CLVS1: variants seen among roughly 807,000 people sequenced by gnomAD.
CLVS1 encodes clavesin-1.
In CLVS1, 10 loss-of-function variants were observed where a neutral mutation model predicts 33.1. The ratio of observed to expected loss-of-function variants is 0.30; its 90% CI spans 0.19 to 0.51. The LOEUF is 0.51. Ranked by LOEUF, CLVS1 falls within the 20% of genes least tolerant of loss-of-function variation. CLVS1 has a pLI of 0.97. For missense variants in CLVS1, 343 were observed against 433.4 expected (o/e 0.79, Z 1.85); for synonymous variants, 163 against 166.1 (o/e 0.98, Z 0.14).
intron 3 of CLVS1, among the ~76,000 whole-genome samples, chr8:61,417,799 G>T (rs781088733): frequency 6.6e-6 from 1 of 152,134 alleles, no homozygotes; most frequent in Non-Finnish European, 1.5e-5. Context: ...TCTGATGATA[G>T]CCATGAGCTC....
At chr8:61,432,414 C>T (rs950223017) in intron 3 of CLVS1, among the ~76,000 whole-genome samples, 7 of 152,094 alleles carry the variant, frequency 4.6e-5, no homozygotes, top group Non-Finnish European at 7.4e-5. Context: ...TAAGGTAAAA[C>T]GAAGTCATTA....
the CLVS1 span, among the ~76,000 whole-genome samples, chr8:61,023,675 C>T: frequency 6.6e-6 from 1 of 152,172 alleles, no homozygotes; most frequent in African/African-American, 2.4e-5. Flanking sequence ...AGTCGCAGCT[C>T]GGAGCGCCAT....
chr8:61,084,832 T>C (rs1805090442), intron 1 of CLVS1, among the ~76,000 whole-genome samples: 1 of 152,232 alleles, frequency 6.6e-6, no homozygotes, highest in South Asian at 2.1e-4. Flanking sequence ...GGGGTAGAGA[T>C]AGAAGAGGCT....
chr8:61,406,103 G>A (rs1814975071), intron 3 of CLVS1, among the ~76,000 whole-genome samples: 1 of 152,142 alleles, frequency 6.6e-6, no homozygotes, highest in South Asian at 2.1e-4. Context: ...CATTTTATCA[G>A]CCAAACACTC....
intron 1 of CLVS1, among the ~76,000 whole-genome samples, chr8:61,089,273 G>A (rs1015483699): frequency 9.9e-5 from 15 of 152,144 alleles, no homozygotes; most frequent in African/African-American, 3.6e-4. Flanking sequence ...GCAGATAGAT[G>A]GAACACTCTG....
Position 61,379,876 on chromosome 8 carries a change from A to G in CLVS1, c.630+3097A>G, listed in dbSNP as rs1813800599. 5.9e-5 allele frequency among the ~76,000 whole-genome samples: 9 copies of G among 152,292 alleles called. No homozygotes were observed. The South Asian group carries it at 1.9e-3, about 32-fold the overall frequency. ...ACAGGCAGGGATGCACACAGCGCTC[A>G]GTCACTGTGTGCTGGCTGTCCTAGG... On this transcript the variant is annotated intron_variant, in intron 3 of 5. Coordinates refer to ENST00000325897, the MANE Select transcript of CLVS1 (RefSeq NM_173519.3).
At chr8:61,258,828 C>A (rs1202866100) in intron 2 of CLVS1, among the ~76,000 whole-genome samples, 1 of 152,108 alleles carries the variant, frequency 6.6e-6, no homozygotes, top group Non-Finnish European at 1.5e-5. Flanking sequence ...CATTCTTGTT[C>A]CTATAAGTGC....
intron 2 of CLVS1, among the ~76,000 whole-genome samples, chr8:61,273,295 G>T (rs1235383828): frequency 1.3e-5 from 2 of 152,204 alleles, no homozygotes; most frequent in Non-Finnish European, 2.9e-5. Flanking sequence ...CTCCCAGTTA[G>T]GTTGCTCGGG....
the CLVS1 span, among the ~76,000 whole-genome samples, chr8:61,019,521 C>G: frequency 1.3e-5 from 2 of 152,276 alleles, no homozygotes; most frequent in East Asian, 3.9e-4. Context: ...GTCCTATCAG[C>G]TCTAGAATGT....
At chr8:61,085,728 CAAA>C (rs57456582) in intron 1 of CLVS1, among the ~76,000 whole-genome samples, 2 of 115,086 alleles carry the variant, frequency 1.7e-5, no homozygotes. Flanking sequence ...CCATCCCTAC[CAAA>C]AAAAAAAAAA....
chr8:61,227,621 T>C (rs1364605667), intron 2 of CLVS1, among the ~76,000 whole-genome samples: 3 of 152,190 alleles, frequency 2.0e-5, no homozygotes, highest in African/African-American at 7.2e-5. Flanking sequence ...GTTATTCTCA[T>C]GTTTACCTTT....
chr8:61,269,577 G>A (rs1411894102), intron 2 of CLVS1, among the ~76,000 whole-genome samples: 2 of 151,494 alleles, frequency 1.3e-5, no homozygotes, highest in Non-Finnish European at 2.9e-5. Flanking sequence ...GCTTGATGGG[G>A]ATGGCATTGA....
At chr8:61,463,544 T>C (rs1817442713) in intron 5 of CLVS1, among the ~76,000 whole-genome samples, 2 of 152,156 alleles carry the variant, frequency 1.3e-5, no homozygotes, top group African/African-American at 4.8e-5. Flanking sequence ...ATTGTAAGGT[T>C]ATTAATTAAC....
chr8:61,258,545 A>G (rs1217730167), intron 2 of CLVS1, among the ~76,000 whole-genome samples: 1 of 152,220 alleles, frequency 6.6e-6, no homozygotes, highest in East Asian at 1.9e-4. Flanking sequence ...AGCATCTAAC[A>G]AAGTGCAAGT....
intron 1 of CLVS1, among the ~76,000 whole-genome samples, chr8:61,091,955 T>G (rs1805259475): frequency 6.6e-6 from 1 of 152,336 alleles, no homozygotes; most frequent in South Asian, 2.1e-4. Context: ...GAAAAATGTG[T>G]GAGATTCCAA....
chr8:61,095,613 A>T (rs1044433049), intron 1 of CLVS1, among the ~76,000 whole-genome samples: 1 of 152,144 alleles, frequency 6.6e-6, no homozygotes, highest in Non-Finnish European at 1.5e-5. Context: ...CTTGCCCGAG[A>T]GGATCTTACA....
intron 1 of CLVS1, among the ~76,000 whole-genome samples, chr8:61,128,686 G>A (rs558907431): frequency 1.3e-5 from 2 of 152,162 alleles, no homozygotes; most frequent in African/African-American, 4.8e-5. Context: ...CATTCAATAC[G>A]TGAAGGTACC....
At chr8:61,339,976 AAG>A (rs1427382888) in intron 2 of CLVS1, among the ~76,000 whole-genome samples, 1 of 151,632 alleles carries the variant, frequency 6.6e-6, no homozygotes, top group Non-Finnish European at 1.5e-5. Context: ...AAGAAAGAGA[AAG>A]AAAGTGAAAA....
the CLVS1 span, among the ~76,000 whole-genome samples, chr8:61,048,963 A>G: frequency 2.6e-5 from 4 of 152,128 alleles, no homozygotes; most frequent in Non-Finnish European, 5.9e-5. Flanking sequence ...AAATCATCCC[A>G]TAAAAAATTA....
Sources: gnomAD v4.1 joint callset for allele counts (sites outside exome capture counted in the v4.1 genomes callset) on GRCh38, gnomAD v4.1.1 for gene constraint, MANE v1.5 for transcripts, NCBI Gene and HGNC (gene_info 2026-07-23, HGNC 2026-07-21) for gene names.